Variants in B3GALT1 observed in about 807,000 individuals in gnomAD.
B3GALT1 encodes the protein beta-1,3-galactosyltransferase 1, also known as UDP-Gal:betaGlcNAc beta 1,3-galactosyltransferase, polypeptide 1.
B3GALT1 carries 10 observed loss-of-function variants against 23.2 expected under a neutral mutation model. The ratio of observed to expected loss-of-function variants is 0.43; its 90% CI spans 0.27 to 0.73. The LOEUF (loss-of-function observed/expected upper bound fraction) is 0.73. Ranked by LOEUF, B3GALT1 falls within the 30% of genes least tolerant of loss-of-function variation. The pLI is 0.21. For missense variants in B3GALT1, 299 were observed against 405.4 expected, an observed-to-expected ratio of 0.74 and a Z score of 2.25; for synonymous variants, 156 against 141.5, an observed-to-expected ratio of 1.10 and a Z score of -0.73.
chr2:167,591,777 C>CTGT (rs1210601582), intron 2 of B3GALT1, among the ~76,000 whole-genome samples: 7 of 151,946 alleles, frequency 4.6e-5, no homozygotes, highest in Non-Finnish European at 1.0e-4. Flanking sequence ...CTGGCCTGAC[C>CTGT]TGTTTTTGTT....
chr2:167,395,467 C>T (rs910239282), intron 1 of B3GALT1, among the ~76,000 whole-genome samples: 2 of 152,068 alleles, frequency 1.3e-5, no homozygotes, highest in Non-Finnish European at 2.9e-5. Flanking sequence ...AATACAATGG[C>T]TCCTAGTAGC....
intron 3 of B3GALT1, among the ~76,000 whole-genome samples, chr2:167,757,217 G>T (rs1022335336): frequency 1.3e-5 from 2 of 152,102 alleles, no homozygotes; most frequent in Non-Finnish European, 2.9e-5. Flanking sequence ...ATTTGCTGCC[G>T]TGCCCCATTC....
chr2:167,646,582 C>A (rs936290954), intron 2 of B3GALT1, among the ~76,000 whole-genome samples: 4 of 152,140 alleles, frequency 2.6e-5, no homozygotes, highest in Non-Finnish European at 5.9e-5. Context: ...TACTTGTAGT[C>A]ACAGCAGTGG....
At chr2:167,864,192 T>G (rs1020443933) in intron 4 of B3GALT1, among the ~76,000 whole-genome samples, 1 of 152,176 alleles carries the variant, frequency 6.6e-6, no homozygotes, top group African/African-American at 2.4e-5. Context: ...AGAATTGATA[T>G]AGCACAGTGT....
At chr2:167,527,320 C>G (rs1042108576) in intron 2 of B3GALT1, among the ~76,000 whole-genome samples, 3 of 151,934 alleles carry the variant, frequency 2.0e-5, no homozygotes, top group Non-Finnish European at 2.9e-5. Flanking sequence ...TGTCCTTTGC[C>G]CATTTTTTTC....
chr2:167,761,576 G>T (rs1415009541), intron 3 of B3GALT1, among the ~76,000 whole-genome samples: 1 of 152,160 alleles, frequency 6.6e-6, no homozygotes, highest in Non-Finnish European at 1.5e-5. Flanking sequence ...GAAGAGGAGA[G>T]ATTGTGAAAG....
At chr2:167,617,172 C>T (rs1311200114) in intron 2 of B3GALT1, among the ~76,000 whole-genome samples, 2 of 151,978 alleles carry the variant, frequency 1.3e-5, no homozygotes, top group Non-Finnish European at 2.9e-5. Context: ...GCCTCATGGT[C>T]ATAAGATAGC....
At chr2:167,317,207 G>A (rs910593555) in intron 1 of B3GALT1, among the ~76,000 whole-genome samples, 11 of 152,126 alleles carry the variant, frequency 7.2e-5, no homozygotes, top group African/African-American at 2.4e-4. Flanking sequence ...GGCTATTTCA[G>A]CATTGATTGA....
chr2:167,352,949 C>A, intron 1 of B3GALT1, among the ~76,000 whole-genome samples: 1 of 151,956 alleles, frequency 6.6e-6, no homozygotes, highest in Admixed American at 6.6e-5. Context: ...CATAATAAAC[C>A]CAGTGTGATT....
chr2:167,364,648 T>G (rs1191611906), intron 1 of B3GALT1, among the ~76,000 whole-genome samples: 1 of 152,184 alleles, frequency 6.6e-6, no homozygotes, highest in Admixed American at 6.5e-5. Context: ...GTCATCCATG[T>G]CCCTACAAAG....
chr2:167,712,745 A>G (rs1286951631), intron 3 of B3GALT1, among the ~76,000 whole-genome samples: 2 of 151,978 alleles, frequency 1.3e-5, no homozygotes, highest in African/African-American at 2.4e-5. Context: ...CTGCACTTGG[A>G]ATTCTTTGAG....
chr2:167,619,652 A>G (rs1026639798), intron 2 of B3GALT1, among the ~76,000 whole-genome samples: 4 of 152,140 alleles, frequency 2.6e-5, no homozygotes, highest in Non-Finnish European at 5.9e-5. Context: ...CATCTCTCAG[A>G]TCTTTTATGG....
intron 1 of B3GALT1, among the ~76,000 whole-genome samples, chr2:167,317,958 C>G (rs997545297): frequency 1.3e-5 from 2 of 152,050 alleles, no homozygotes; most frequent in Non-Finnish European, 2.9e-5. Flanking sequence ...AGATCATTTG[C>G]TTAGTTATAC....
intron 1 of B3GALT1, among the ~76,000 whole-genome samples, chr2:167,312,449 G>C (rs557674476): frequency 2.1e-4 from 32 of 151,868 alleles, no homozygotes; most frequent in Non-Finnish European, 4.0e-4. Flanking sequence ...AAATCTAAGG[G>C]AGCACAAAAG....
chr2:167,643,885 T>C (rs1157688449), intron 2 of B3GALT1, among the ~76,000 whole-genome samples: 1 of 152,222 alleles, frequency 6.6e-6, no homozygotes, highest in East Asian at 1.9e-4. Context: ...GGGACAGCTC[T>C]TTTTGCCAAG....
At chr2:167,804,910 C>A (rs553205864) in intron 3 of B3GALT1, among the ~76,000 whole-genome samples, 1 of 152,292 alleles carries the variant, frequency 6.6e-6, no homozygotes, top group South Asian at 2.1e-4. Context: ...ACACTGACTT[C>A]CACAATGGTT....
At chr2:167,409,697 A>G (rs1698361111) in intron 1 of B3GALT1, among the ~76,000 whole-genome samples, 1 of 152,018 alleles carries the variant, frequency 6.6e-6, no homozygotes, top group African/African-American at 2.4e-5. Context: ...GGGTTAGAAC[A>G]TGCCCCTTTA....
chr2:167,769,605 G>GTCTCTGT (rs60194932), intron 3 of B3GALT1, among the ~76,000 whole-genome samples: 21,678 of 151,988 alleles, frequency 0.14, 1,742 homozygotes, highest in East Asian at 0.34. Flanking sequence ...AGCAGAACTA[G>GTCTCTGT]TCTCTGTTCC....
intron 1 of B3GALT1, among the ~76,000 whole-genome samples, chr2:167,352,136 T>C (rs527946332): frequency 6.6e-6 from 1 of 151,264 alleles, no homozygotes; most frequent in Non-Finnish European, 1.5e-5. Context: ...ATTTTTTTTT[T>C]TTTTTGTATT....
Sources: gnomAD v4.1 joint callset for allele counts (sites outside exome capture counted in the v4.1 genomes callset) on GRCh38, gnomAD v4.1.1 for gene constraint, MANE v1.5 for transcripts, NCBI Gene and HGNC (gene_info 2026-07-23, HGNC 2026-07-21) for gene names.